The following EPN2 variants were observed in gnomAD, a reference collection of about 807,000 sequenced individuals.
EPN2 encodes the protein epsin-2.
A neutral mutation model predicts 61.7 loss-of-function variants in EPN2; 34 were observed. The observed-to-expected ratio is 0.55, with a 90% CI of 0.42 to 0.73. The LOEUF (loss-of-function observed/expected upper bound fraction) is 0.73, where lower values mean the gene tolerates loss of function less well. Among genes scored for constraint, EPN2 ranks in the 30% least tolerant of loss-of-function variants. The pLI is 0.00. For missense variants in EPN2, 714 were observed against 839.2 expected, an observed-to-expected ratio of 0.85 and a Z score of 1.84; for synonymous variants, 349 against 353.6, an observed-to-expected ratio of 0.99 and a Z score of 0.15.
intron 1 of EPN2, among the ~76,000 whole-genome samples, chr17:19,277,811 G>A (rs556012042): frequency 1.3e-5 from 2 of 152,268 alleles, no homozygotes; most frequent in East Asian, 1.9e-4. Context: ...GGTGGCTCAC[G>A]CCTGTAATCC....
intron 1 of EPN2, among the ~76,000 whole-genome samples, chr17:19,280,241 G>A (rs920860713): frequency 1.3e-5 from 2 of 152,188 alleles, no homozygotes; most frequent in African/African-American, 4.8e-5. Flanking sequence ...GAAGGGCCTG[G>A]TGGTCCCTGG....
Position 19,335,970 on chromosome 17 carries a change from C to T in EPN2, c.*1716C>T, listed in dbSNP as rs1196724155. On this transcript the variant is annotated 3_prime_UTR_variant, in exon 11 of 11. Transcript: ENST00000314728. The stretch of plus-strand genomic sequence containing the variant: ...CCATGGGAATTTCTCACCTCTAGCT[C>T]TAAGGGCAGCTGACCACCTGCCAGC... The T allele has an allele frequency of 6.5e-6, 1 of 152,716 alleles. No homozygotes were observed. The highest frequency in any genetic ancestry group is 1.5e-5 in the Non-Finnish European group (1 of 68,394). 9.5% of individuals were successfully genotyped at this position (152,716 alleles called of 1,614,324 possible). A position where few individuals can be genotyped will look rare whatever the true frequency, so the allele number is the denominator to read the frequency against.
chr17:19,247,211 G>A (rs1597968057), intron 1 of EPN2, among the ~76,000 whole-genome samples: 2 of 152,302 alleles, frequency 1.3e-5, no homozygotes, highest in South Asian at 4.1e-4. Flanking sequence ...AGAAGTATGG[G>A]CATTTCAAGG....
In EPN2 at chr17:19,283,260, C is replaced by T; in HGVS notation, c.141C>T (p.Thr47=). Reference sequence around the variant, plus strand: ...TGATGACCGAGATTGCCGACCTGACCTACAACGTGGTGGCCTTCTCGGAGA... The same window carrying T: ...TGATGACCGAGATTGCCGACCTGACTTACAACGTGGTGGCCTTCTCGGAGA... ...SSLMTEIADL[T]YNVVAFSEIM... is the part of the protein sequence containing the mutation. The change falls in exon 3 of 11, where the codon ACC becomes ACT. Residue 47 remains threonine (T), a synonymous_variant. Transcript: ENST00000314728. This position sits in a 1 kb window ranked among gnomAD's most constrained non-coding sequence, Gnocchi z 7.0. The T allele has an allele frequency of 6.2e-7, 1 of 1,614,142 alleles. No individual in the cohort carries two copies. Among genetic ancestry groups the T allele is most frequent in the Non-Finnish European group, 8.5e-7 (1 of 1,180,042 alleles).
intron 7 of EPN2, among the ~76,000 whole-genome samples, chr17:19,326,107 G>T (rs1049344570): frequency 3.9e-5 from 6 of 152,152 alleles, no homozygotes; most frequent in African/African-American, 1.2e-4. Context: ...TTGACCAAAA[G>T]ATATTAAAAC....
At chr17:19,242,109 A>G (rs541536943) in intron 1 of EPN2, among the ~76,000 whole-genome samples, 1 of 149,064 alleles carries the variant, frequency 6.7e-6, no homozygotes, top group African/African-American at 2.5e-5. Context: ...TAGCTGAGAG[A>G]CACTAGATTT....
chr17:19,281,382 G>C (rs947297252), intron 1 of EPN2, among the ~76,000 whole-genome samples: 1 of 152,158 alleles, frequency 6.6e-6, no homozygotes, highest in Non-Finnish European at 1.5e-5. Flanking sequence ...CCAAGTGCCC[G>C]GGATGAAGAC....
At chr17:19,290,031 A>T (rs1208866707) in intron 4 of EPN2, among the ~76,000 whole-genome samples, 1 of 151,964 alleles carries the variant, frequency 6.6e-6, no homozygotes, top group Admixed American at 6.6e-5. Flanking sequence ...TCTGGCACTC[A>T]TGTTTACTTG....
intron 1 of EPN2, among the ~76,000 whole-genome samples, chr17:19,251,906 G>A (rs140272869): frequency 2.7e-4 from 41 of 152,196 alleles, no homozygotes; most frequent in Middle Eastern, 6.8e-3. Context: ...AAGTCTAAAC[G>A]TGAAATTCAT....
At chr17:19,312,823 G>A in intron 6 of EPN2, 1 of 388,908 alleles carries the variant, frequency 2.6e-6, no homozygotes, top group South Asian at 3.3e-5. Flanking sequence ...GAGGTCCACA[G>A]CCTGGGCAGA....
chr17:19,276,722 TC>T (rs2045308944), intron 1 of EPN2, among the ~76,000 whole-genome samples: 1 of 151,976 alleles, frequency 6.6e-6, no homozygotes, highest in Admixed American at 6.6e-5. Flanking sequence ...TAAAGGTGTT[TC>T]TAGTTACTGA....
At chr17:19,291,140 A>G (rs1250722466) in intron 4 of EPN2, among the ~76,000 whole-genome samples, 1 of 152,282 alleles carries the variant, frequency 6.6e-6, no homozygotes, top group African/African-American at 2.4e-5. Flanking sequence ...AAAGGAAAAC[A>G]GAGGTGAGAA....
chr17:19,261,004 C>T (rs190895869), intron 1 of EPN2, among the ~76,000 whole-genome samples: 1 of 152,262 alleles, frequency 6.6e-6, no homozygotes. Flanking sequence ...TGAATACTCA[C>T]CCCTGAGGAA....
rs550357713 is a variant in EPN2 at position 19,259,234 on chromosome 17, A to G, written c.-294+21703A>G. 2.1e-4 allele frequency among the ~76,000 whole-genome samples: 32 copies of G among 151,936 alleles called. No individual in the cohort carries two copies. The South Asian group carries it at 6.4e-3, about 31-fold the overall frequency. ...TGTTTCTCCTTTTGGTGATAGGGAA[A>G]CATGGTTTTGCTGCTGTTTTTGTCA... On this transcript the variant is annotated intron_variant, in intron 1 of 10. Coordinates refer to ENST00000314728, the MANE Select transcript of EPN2 (RefSeq NM_014964.5).
chr17:19,259,376 G>A (rs2045115519), intron 1 of EPN2, among the ~76,000 whole-genome samples: 1 of 139,422 alleles, frequency 7.2e-6, no homozygotes, highest in African/African-American at 2.8e-5. Flanking sequence ...GCAGTGGCAC[G>A]ATCTCGGCTC....
At chr17:19,270,058 CT>C in intron 1 of EPN2, among the ~76,000 whole-genome samples, 1 of 152,270 alleles carries the variant, frequency 6.6e-6, no homozygotes, top group South Asian at 2.1e-4. Context: ...AGAGCAAATC[CT>C]AGTCCCACCT....
chr17:19,300,000 C>T lies in EPN2; in HGVS notation c.767-9885C>T, dbSNP rs574792614. ...TAAAGCTGACGTGGCCCCTGCTTTC[C>T]GCCCACTTGGGCAGATGGCCGGCTG... On this transcript the variant is annotated intron_variant, in intron 4 of 10. Transcript: ENST00000314728. Among the ~76,000 whole-genome samples, 98 of 152,336 alleles carry T rather than the reference C, an allele frequency of 6.4e-4. No individual in the cohort carries two copies. The South Asian group carries it at 0.02, about 31-fold the overall frequency.
chr17:19,331,600 C>T (rs561518183), intron 9 of EPN2, among the ~76,000 whole-genome samples: 4 of 152,020 alleles, frequency 2.6e-5, no homozygotes, highest in South Asian at 2.1e-4. Flanking sequence ...GAGCTATACA[C>T]ACTCTTTTAT....
In EPN2 at chr17:19,285,196, G is replaced by C. The variant is rs2045392742; in HGVS notation, c.596-424G>C. On this transcript the variant is annotated intron_variant, in intron 3 of 10. Transcript: ENST00000314728. This position sits in a 1 kb window ranked among gnomAD's most constrained non-coding sequence, Gnocchi z 4.5. ...CAAGGGGAGCTGCCATTCTCTTTAT[G>C]TGCTTTTCATGGTCATTATTCTCAA... is the stretch of plus-strand genomic sequence containing the variant. Among the ~76,000 whole-genome samples the C allele has an allele frequency of 6.6e-6, 1 of 152,176 alleles. No individual in the cohort carries two copies. The highest frequency in any genetic ancestry group is 1.5e-5 in the Non-Finnish European group (1 of 68,024).
Sources: gnomAD v4.1 joint callset for allele counts (sites outside exome capture counted in the v4.1 genomes callset) on GRCh38, gnomAD v4.1.1 for gene constraint, Gnocchi (gnomAD v3.1) non-coding constraint, MANE v1.5 for transcripts, NCBI Gene and HGNC (gene_info 2026-07-23, HGNC 2026-07-21) for gene names.